UCK2: variants seen among roughly 807,000 people sequenced by gnomAD.
The protein encoded by UCK2 is uridine-cytidine kinase 2, also known as cytidine monophosphokinase 2.
Under a neutral mutation model 30.8 loss-of-function variants are expected in UCK2, and 6 were observed. That is an observed-to-expected ratio of 0.19 (90% CI 0.11 to 0.38). The LOEUF is 0.38. Ranked by LOEUF, UCK2 falls within the 10% of genes least tolerant of loss-of-function variation. UCK2 has a pLI of 1.00. For missense variants in UCK2, 210 were observed against 339.8 expected, an observed-to-expected ratio of 0.62 and a Z score of 3.00; for synonymous variants, 125 against 133.6, an observed-to-expected ratio of 0.94 and a Z score of 0.45.
chr1:165,832,581 G>A (rs1159720740), intron 1 of UCK2, among the ~76,000 whole-genome samples: 1 of 152,086 alleles, frequency 6.6e-6, no homozygotes, highest in East Asian at 1.9e-4. Flanking sequence ...TGACTTAGTG[G>A]TAGGACTGGG....
At chr1:165,896,557 G>T (rs969586179) in intron 4 of UCK2, among the ~76,000 whole-genome samples, 1 of 152,246 alleles carries the variant, frequency 6.6e-6, no homozygotes, top group Non-Finnish European at 1.5e-5. Flanking sequence ...TACTGTTTGG[G>T]ATAACGAAAG....
intron 1 of UCK2, among the ~76,000 whole-genome samples, chr1:165,878,353 C>A (rs1655393444): frequency 6.8e-6 from 1 of 147,842 alleles, no homozygotes; most frequent in African/African-American, 2.5e-5. Flanking sequence ...TTTTTTGAGA[C>A]AGAGTCTTGC....
intron 1 of UCK2, among the ~76,000 whole-genome samples, chr1:165,885,855 A>G (rs913126491): frequency 1.3e-5 from 2 of 152,252 alleles, no homozygotes; most frequent in African/African-American, 4.8e-5. Flanking sequence ...CCTAGCATAT[A>G]GAAAGAAATG....
chr1:165,909,289 C>T lies in UCK2; in HGVS notation c.*1466C>T, dbSNP rs905286565. 3 of 152,136 alleles carry T rather than the reference C, an allele frequency of 2.0e-5. No individual in the cohort carries two copies. The highest frequency in any genetic ancestry group is 4.8e-5 in the African/African-American group (2 of 41,422). The allele number at this position is 152,136 out of a possible 1,614,324, so 9.4% of individuals were successfully genotyped here. A position where few individuals can be genotyped will look rare whatever the true frequency, so the allele number is the denominator to read the frequency against. ...GCCTCAGTTTCTGACTGCAGAAGAGCCAGAGATGTTCATTTCATTGTTGAC... is the reference window on the plus strand; with the variant it reads ...GCCTCAGTTTCTGACTGCAGAAGAGTCAGAGATGTTCATTTCATTGTTGAC... On this transcript the variant is annotated 3_prime_UTR_variant, in exon 7 of 7. Coordinates refer to ENST00000367879, the MANE Select transcript of UCK2 (RefSeq NM_012474.5).
At chr1:165,857,842 T>A (rs1277813609) in intron 1 of UCK2, among the ~76,000 whole-genome samples, 1 of 152,188 alleles carries the variant, frequency 6.6e-6, no homozygotes, top group Non-Finnish European at 1.5e-5. Context: ...TTTACCCCTC[T>A]CAACGTTTGC....
At chr1:165,868,783 T>C (rs578261421) in intron 1 of UCK2, among the ~76,000 whole-genome samples, 96 of 152,364 alleles carry the variant, frequency 6.3e-4, no homozygotes, top group Non-Finnish European at 1.2e-3. Flanking sequence ...TTATCATTCA[T>C]GTGTTCACTG....
intron 1 of UCK2, among the ~76,000 whole-genome samples, chr1:165,865,016 C>T (rs1366646999): frequency 1.3e-5 from 2 of 152,020 alleles, no homozygotes; most frequent in African/African-American, 4.8e-5. Flanking sequence ...CACACACATG[C>T]ACACACACAC....
In UCK2 at chr1:165,883,318, G is replaced by A. The variant is rs111332343; in HGVS notation, c.100-6886G>A. Among the ~76,000 whole-genome samples, 38 of 152,298 alleles carry A rather than the reference G, an allele frequency of 2.5e-4. 1 individual carries two copies. Among genetic ancestry groups the A allele is most frequent in the African/African-American group, 8.9e-4 (37 of 41,568 alleles). On this transcript the variant is annotated intron_variant, in intron 1 of 6. Transcript: ENST00000367879. ...GGAACTGCAAAGGTGGCTGAAAAAT[G>A]CAGTCTGTGTGCCCAGCTAAAATTC...
At chr1:165,903,417 T>C (rs994180785) in intron 5 of UCK2, 138 bp downstream of exon 5, 2 of 709,270 alleles carry the variant, frequency 2.8e-6, no homozygotes, top group Non-Finnish European at 4.6e-6. Flanking sequence ...CCTGAAGTCC[T>C]AAGAGAGGGC....
At chr1:165,878,024 G>A (rs1655382188) in intron 1 of UCK2, among the ~76,000 whole-genome samples, 1 of 152,030 alleles carries the variant, frequency 6.6e-6, no homozygotes, top group African/African-American at 2.4e-5. Flanking sequence ...GTTCACTTTT[G>A]CTGTTGTACA....
At chr1:165,839,661 G>A (rs1410807732) in intron 1 of UCK2, among the ~76,000 whole-genome samples, 1 of 152,178 alleles carries the variant, frequency 6.6e-6, no homozygotes, top group African/African-American at 2.4e-5. Context: ...TGATGGAGTG[G>A]AGAACGTGCG....
In UCK2 at chr1:165,908,415, CTTTT is replaced by C. The variant is rs1375739960; in HGVS notation, c.*601_*604del. ...ATATGTCAATGAGAGATACTCTTGTCTTTTTTTTTTTTCTTTTCTTTTTTTTTTT... is the reference window on the plus strand; with the variant it reads ...ATATGTCAATGAGAGATACTCTTGTCTTTTTTTTCTTTTCTTTTTTTTTTT... On this transcript the variant is annotated 3_prime_UTR_variant, in exon 7 of 7. Transcript: ENST00000367879. 7.7e-6 allele frequency: 1 copy of C among 129,484 alleles called. No individual in the cohort carries two copies. The allele number at this position is 129,484 out of a possible 1,614,324, so 8.0% of individuals were successfully genotyped here.
At chr1:165,869,037 T>C (rs1655122033) in intron 1 of UCK2, among the ~76,000 whole-genome samples, 1 of 152,176 alleles carries the variant, frequency 6.6e-6, no homozygotes, top group African/African-American at 2.4e-5. Context: ...CAGGAAATCA[T>C]AGGGAGGCCC....
intron 1 of UCK2, among the ~76,000 whole-genome samples, chr1:165,836,156 A>G (rs1345341783): frequency 6.6e-6 from 1 of 152,112 alleles, no homozygotes; most frequent in African/African-American, 2.4e-5. Context: ...TGAACCCAGG[A>G]AGCAGAGGTT....
chr1:165,889,584 G>C (rs1655710904), intron 1 of UCK2, among the ~76,000 whole-genome samples: 1 of 151,752 alleles, frequency 6.6e-6, no homozygotes, highest in Admixed American at 6.6e-5. Context: ...ATCACTGCAA[G>C]TACCTGACAG....
chr1:165,891,617 C>T, intron 3 of UCK2: 1 of 325,814 alleles, frequency 3.1e-6, no homozygotes, highest in South Asian at 5.4e-5. Context: ...TTCTGATCCA[C>T]ATTCCAGTGC....
chr1:165,853,378 A>T lies in UCK2; in HGVS notation c.99+25446A>T, dbSNP rs547424904. ...GATATTTTTTTTTTTGTTTTCATTT[A>T]AAAAAAATTCCAAAAACACCATGTC... is the stretch of plus-strand genomic sequence containing the variant. On this transcript the variant is annotated intron_variant, in intron 1 of 6. Coordinates refer to ENST00000367879, the MANE Select transcript of UCK2 (RefSeq NM_012474.5). 1.5e-3 allele frequency among the ~76,000 whole-genome samples: 226 copies of T among 151,942 alleles called. 4 individuals carry two copies. Among genetic ancestry groups the T allele is most frequent in the Non-Finnish European group, 1.6e-4 (11 of 67,976 alleles).
At chr1:165,858,612 A>G (rs369372720) in intron 1 of UCK2, among the ~76,000 whole-genome samples, 4 of 152,184 alleles carry the variant, frequency 2.6e-5, no homozygotes, top group Admixed American at 6.5e-5. Flanking sequence ...TGCCCACTTC[A>G]TAGCCCTTTC....
chr1:165,894,997 G>A (rs1340731913), intron 3 of UCK2, among the ~76,000 whole-genome samples: 1 of 152,190 alleles, frequency 6.6e-6, no homozygotes, highest in African/African-American at 2.4e-5. Flanking sequence ...GGTGGGCATA[G>A]GACAGAATCA....
Sources: allele counts gnomAD v4.1 joint callset (sites outside exome capture counted in the v4.1 genomes callset), GRCh38; gene constraint gnomAD v4.1.1; transcripts MANE v1.5; gene names NCBI Gene and HGNC (gene_info 2026-07-23, HGNC 2026-07-21).